The following CACNA2D3 variants were observed in gnomAD, a reference collection of about 807,000 sequenced individuals.
CACNA2D3 encodes calcium voltage-gated channel auxiliary subunit alpha2delta 3, also known as voltage-dependent calcium channel subunit alpha-2/delta-3.
A neutral mutation model predicts 160.6 loss-of-function variants in CACNA2D3; 60 were observed. The ratio of observed to expected loss-of-function variants is 0.37; its 90% CI spans 0.30 to 0.46. The LOEUF (loss-of-function observed/expected upper bound fraction) is 0.46, where lower values mean the gene tolerates loss of function less well. CACNA2D3 is among the 20% of genes least tolerant of loss of function. The pLI is 1.00. For missense variants in CACNA2D3, 1,205 were observed against 1,365.0 expected, an observed-to-expected ratio of 0.88 and a Z score of 1.85; for synonymous variants, 558 against 492.9, an observed-to-expected ratio of 1.13 and a Z score of -1.75.
chr3:54,222,077 T>G (rs1389095316), intron 2 of CACNA2D3, among the ~76,000 whole-genome samples: 1 of 152,228 alleles, frequency 6.6e-6, no homozygotes, highest in Non-Finnish European at 1.5e-5. Context: ...TACAGAGGGC[T>G]GATTGTATTA....
At chr3:55,043,328 T>C (rs1054822161) in intron 35 of CACNA2D3, among the ~76,000 whole-genome samples, 2 of 144,220 alleles carry the variant, frequency 1.4e-5, no homozygotes, top group Non-Finnish European at 3.0e-5. Flanking sequence ...CTCCCTCTCT[T>C]TCTTTCTTTC....
chr3:54,123,533 CT>C lies in CACNA2D3; in HGVS notation c.147del (p.Phe49LeufsTer5). 6.2e-7 allele frequency: 1 copy of C among 1,613,874 alleles called. No individual in the cohort carries two copies. Among genetic ancestry groups the C allele is most frequent in the Non-Finnish European group, 8.5e-7 (1 of 1,179,820 alleles). On this transcript the variant is annotated frameshift_variant, in exon 2 of 38. Coordinates refer to ENST00000474759, the MANE Select transcript of CACNA2D3 (RefSeq NM_018398.3). LOFTEE classifies it high-confidence loss of function. The stretch of plus-strand genomic sequence containing the variant: ...TGTAGGGTGAAGCTCTGGGCCTCGG[CT>C]TTTGGTGGGGAGATAAAATCCATTG... Reference protein sequence around the residue: ...PLSVVKLWASAFGGEIKSIAA... With the variant: ...PLSVVKLWASXFGGEIKSIAA...
At chr3:54,846,760 G>C (rs763508210) in intron 17 of CACNA2D3, among the ~76,000 whole-genome samples, 25 of 151,946 alleles carry the variant, frequency 1.6e-4, no homozygotes, top group Non-Finnish European at 1.5e-5. Flanking sequence ...TTTAACTCTA[G>C]ACAGCATGAA....
chr3:54,831,511 G>A (rs1358255530), intron 14 of CACNA2D3, among the ~76,000 whole-genome samples: 2 of 152,236 alleles, frequency 1.3e-5, no homozygotes, highest in Non-Finnish European at 2.9e-5. Flanking sequence ...CCCACCATGG[G>A]CAACCACTGG....
At position 54,375,443 on chromosome 3, in the gene CACNA2D3, G is replaced by T. The variant is rs74948044; in HGVS notation, c.322-11272G>T. 3.3e-4 allele frequency among the ~76,000 whole-genome samples: 51 copies of T among 152,256 alleles called. 1 individual carries two copies. The East Asian group carries it at 9.3e-3, about 28-fold the overall frequency. On this transcript the variant is annotated intron_variant, in intron 3 of 37. Coordinates refer to ENST00000474759, the MANE Select transcript of CACNA2D3 (RefSeq NM_018398.3). ...ACAAAGTGCTCAGTCCTTTGTTAGG[G>T]GGTGGGGTGGGGGTGACATCCTTGA...
intron 3 of CACNA2D3, among the ~76,000 whole-genome samples, chr3:54,322,646 A>G (rs1704028883): frequency 6.6e-6 from 1 of 152,160 alleles, no homozygotes; most frequent in South Asian, 2.1e-4. Flanking sequence ...AATGTTCAGT[A>G]AACATTTGCT....
intron 9 of CACNA2D3, among the ~76,000 whole-genome samples, chr3:54,615,036 A>G (rs1698821800): frequency 6.6e-6 from 1 of 152,260 alleles, no homozygotes; most frequent in Non-Finnish European, 1.5e-5. Context: ...CAGTAAAGAA[A>G]TGAACGGCAG....
chr3:54,837,971 C>CT (rs1378190110), intron 15 of CACNA2D3, among the ~76,000 whole-genome samples: 2 of 152,120 alleles, frequency 1.3e-5, no homozygotes, highest in Non-Finnish European at 2.9e-5. Context: ...CACTGTTCAA[C>CT]TCACCATAAA....
intron 14 of CACNA2D3, among the ~76,000 whole-genome samples, chr3:54,823,237 G>A (rs1012711536): frequency 6.6e-6 from 1 of 151,890 alleles, no homozygotes; most frequent in African/African-American, 2.4e-5. Context: ...TGTGTAAGGG[G>A]AAAAATCAGG....
chr3:54,565,852 G>A (rs17054144), intron 6 of CACNA2D3, among the ~76,000 whole-genome samples: 7,449 of 152,146 alleles, frequency 0.049, 275 homozygotes, highest in South Asian at 0.088. Context: ...TATAAAATGG[G>A]AACTCTACCC....
At chr3:54,661,054 T>C (rs545020492) in intron 11 of CACNA2D3, among the ~76,000 whole-genome samples, 1 of 152,192 alleles carries the variant, frequency 6.6e-6, no homozygotes, top group African/African-American at 2.4e-5. Context: ...AAGAGGCCCA[T>C]GTGGAAATCT....
At chr3:54,570,140 G>T in intron 8 of CACNA2D3, 36 bp downstream of exon 8, 2 of 1,601,234 alleles carry the variant, frequency 1.2e-6, no homozygotes, top group Non-Finnish European at 1.7e-6. Context: ...TTGCACTTGG[G>T]TTCATTTGAT....
intron 9 of CACNA2D3, chr3:54,626,683 TCAAAAAAAAAA>T: frequency 1.2e-5 from 3 of 242,740 alleles, no homozygotes; most frequent in South Asian, 1.8e-4. Flanking sequence ...ATGGTTCCAG[TCAAAAAAAAAA>T]AAAAAAAAAA....
At chr3:54,697,707 T>A (rs529125388) in intron 11 of CACNA2D3, among the ~76,000 whole-genome samples, 2 of 152,318 alleles carry the variant, frequency 1.3e-5, no homozygotes, top group African/African-American at 4.8e-5. Context: ...GCAAGAGTGC[T>A]ATAGGCAAGA....
chr3:54,293,595 T>C (rs1703261836), intron 2 of CACNA2D3, among the ~76,000 whole-genome samples: 1 of 149,476 alleles, frequency 6.7e-6, no homozygotes, highest in Non-Finnish European at 1.5e-5. Flanking sequence ...ATCACATCCA[T>C]GCAGTGGAAT....
chr3:54,471,430 A>C (rs904531032), intron 4 of CACNA2D3, among the ~76,000 whole-genome samples: 1 of 152,236 alleles, frequency 6.6e-6, no homozygotes, highest in African/African-American at 2.4e-5. Context: ...ATAGCACTAA[A>C]TGCCCACAGG....
intron 9 of CACNA2D3, among the ~76,000 whole-genome samples, chr3:54,613,174 C>T (rs1419632632): frequency 1.3e-5 from 2 of 152,308 alleles, no homozygotes; most frequent in Middle Eastern, 3.4e-3. Flanking sequence ...TTTTACCTGC[C>T]AGGTAGACTG....
At chr3:54,995,017 A>G (rs922954756) in intron 31 of CACNA2D3, among the ~76,000 whole-genome samples, 6 of 152,018 alleles carry the variant, frequency 3.9e-5, no homozygotes, top group Non-Finnish European at 4.4e-5. Context: ...CTTGTCACCC[A>G]GGCTGGAGTG....
At chr3:55,070,611 A>G (rs1392972831) in intron 35 of CACNA2D3, among the ~76,000 whole-genome samples, 1 of 152,144 alleles carries the variant, frequency 6.6e-6, no homozygotes, top group Admixed American at 6.5e-5. Flanking sequence ...CCAGTGGACA[A>G]GGGGGAAGAC....
Sources: gnomAD v4.1 joint callset for allele counts (sites outside exome capture counted in the v4.1 genomes callset) on GRCh38, gnomAD v4.1.1 for gene constraint, MANE v1.5 for transcripts, NCBI Gene and HGNC (gene_info 2026-07-23, HGNC 2026-07-21) for gene names.